The following LYAR variants were observed in gnomAD, a reference collection of about 807,000 sequenced individuals.
LYAR encodes the protein Ly1 antibody reactive.
A neutral mutation model predicts 45.2 loss-of-function variants in LYAR; 37 were observed. That is an observed-to-expected ratio of 0.82 (90% confidence interval 0.63 to 1.08). The LOEUF is 1.08. Ranked by LOEUF, LYAR falls within the 50% of genes least tolerant of loss-of-function variation. The pLI is 0.00. For missense variants in LYAR, 493 were observed against 451.0 expected, an observed-to-expected ratio of 1.09 and a Z score of -0.84; for synonymous variants, 176 against 155.1, an observed-to-expected ratio of 1.14 and a Z score of -1.00.
rs147667041 is a variant in LYAR, at chr4:4,269,517, C to T, written c.920-902G>A. ...CCACACAGGCCGGTCATGAGGCTGC[C>T]CCTGCTGTGATGTCAGTGGAACCTG... is the stretch of plus-strand genomic sequence containing the variant. On this transcript the variant is annotated intron_variant, in intron 8 of 9. Transcript: ENST00000343470. Among the ~76,000 whole-genome samples the T allele has an allele frequency of 4.2e-4, 64 of 152,254 alleles. No homozygotes were observed. In the East Asian group the frequency reaches 5.4e-3, roughly 13 times the overall value.
intron 8 of LYAR, among the ~76,000 whole-genome samples, chr4:4,272,915 G>A (rs1577211235): frequency 6.6e-6 from 1 of 152,140 alleles, no homozygotes; most frequent in Admixed American, 6.5e-5. Context: ...GCCACCTCCC[G>A]ACAGGTATGA....
At chr4:4,283,026 T>C (rs1719463467) in intron 3 of LYAR, among the ~76,000 whole-genome samples, 1 of 152,238 alleles carries the variant, frequency 6.6e-6, no homozygotes, top group Non-Finnish European at 1.5e-5. Context: ...TCCCTGGGTC[T>C]GTAAACAGTG....
At chr4:4,276,027 G>A (rs937146282) in intron 6 of LYAR, among the ~76,000 whole-genome samples, 5 of 152,228 alleles carry the variant, frequency 3.3e-5, no homozygotes, top group Non-Finnish European at 7.4e-5. Context: ...AGCACATAGA[G>A]CCTACTTTAA....
chr4:4,273,907 C>A (rs1433408469), intron 7 of LYAR, among the ~76,000 whole-genome samples: 1 of 152,128 alleles, frequency 6.6e-6, no homozygotes, highest in Non-Finnish European at 1.5e-5. Flanking sequence ...CTCTGCCTGG[C>A]CACAAAGCTT....
At chr4:4,270,932 T>C (rs773515179) in intron 8 of LYAR, among the ~76,000 whole-genome samples, 3 of 152,214 alleles carry the variant, frequency 2.0e-5, no homozygotes, top group African/African-American at 4.8e-5. Flanking sequence ...GTGAGATATT[T>C]TGATACAGAC....
intron 1 of LYAR, chr4:4,289,523 C>A (rs956999013): frequency 1.9e-4 from 29 of 152,338 alleles, no homozygotes; most frequent in African/African-American, 6.7e-4. Context: ...TCATGTAATC[C>A]TCATCACAGT....
intron 2 of LYAR, among the ~76,000 whole-genome samples, chr4:4,285,154 C>A (rs1719555942): frequency 1.3e-5 from 2 of 151,542 alleles, no homozygotes; most frequent in Admixed American, 6.8e-5. Flanking sequence ...AGCTTCTACG[C>A]TACATACAAA....
intron 8 of LYAR, among the ~76,000 whole-genome samples, chr4:4,272,452 T>G (rs991098555): frequency 6.6e-6 from 1 of 152,212 alleles, no homozygotes. Context: ...TAAATATTCA[T>G]TCATGCCTAT....
Position 4,279,498 on chromosome 4 carries a change from A to G in LYAR, c.378T>C (p.Asn126=), listed in dbSNP as rs764938701. ...NWMKNSLKVH[N]ESILDQVWNI... Reference sequence around the variant, plus strand: ...TCCACACCTGGTCCAGAATGGATTCATTATGAACTTTTAAACTGTTCTTCA... The same window carrying G: ...TCCACACCTGGTCCAGAATGGATTCGTTATGAACTTTTAAACTGTTCTTCA... Residue 126 remains asparagine, a synonymous_variant, in exon 6 of 10, where the codon AAT becomes AAC. Transcript: ENST00000343470. 3 of 1,613,018 alleles carry G rather than the reference A, an allele frequency of 1.9e-6. No homozygotes were observed. Among genetic ancestry groups the G allele is most frequent in the Non-Finnish European group, 8.5e-7 (1 of 1,178,984 alleles).
chr4:4,277,778 T>C (rs1023766669), intron 6 of LYAR, among the ~76,000 whole-genome samples: 6 of 152,086 alleles, frequency 3.9e-5, no homozygotes, highest in Non-Finnish European at 5.9e-5. Context: ...AGTGATCAGG[T>C]GAACTGTGAT....
intron 6 of LYAR, among the ~76,000 whole-genome samples, chr4:4,276,693 C>A (rs548708272): frequency 6.6e-6 from 1 of 152,120 alleles, no homozygotes; most frequent in Non-Finnish European, 1.5e-5. Flanking sequence ...CCTGTCTCTA[C>A]TAAAAATACA....
rs532235826 is a variant in LYAR, at chr4:4,283,656, T to C, written c.87A>G (p.Glu29=). 1.9e-6 allele frequency: 3 copies of C among 1,613,104 alleles called. No homozygotes were observed. The stretch of plus-strand genomic sequence containing the variant: ...TACCGCAGTCAATGCAAGAAAGGCA[T>C]TCACAGTTTCTGCAAACAGACACAT... ...EKHVSVCRNC[E]CLSCIDCGKD... is the part of the protein sequence containing the mutation. The change falls in exon 3 of 10, where the codon GAA becomes GAG. Residue 29 remains glutamate (E), a synonymous_variant. Coordinates refer to ENST00000343470, the MANE Select transcript of LYAR (RefSeq NM_017816.3).
chr4:4,277,192 G>A (rs948467645), intron 6 of LYAR, among the ~76,000 whole-genome samples: 2 of 151,942 alleles, frequency 1.3e-5, no homozygotes, highest in African/African-American at 2.4e-5. Context: ...GATTCTAGGC[G>A]CCTGCCACCA....
In LYAR at chr4:4,271,918, T is replaced by A. The variant is rs182950528; in HGVS notation, c.919+1665A>T. On this transcript the variant is annotated intron_variant, in intron 8 of 9. Coordinates refer to ENST00000343470, the MANE Select transcript of LYAR (RefSeq NM_017816.3). ...GGATACTCCTCACCAATAAGATGAA[T>A]ATTGGTCAGTTCAGCAACCTGGGTG... is the stretch of plus-strand genomic sequence containing the variant. 3.3e-5 allele frequency among the ~76,000 whole-genome samples: 5 copies of A among 152,260 alleles called. No individual in the cohort carries two copies. The East Asian group carries it at 9.6e-4, about 29-fold the overall frequency.
intron 7 of LYAR, 120 bp downstream of exon 7, chr4:4,274,247 A>AC (rs1302309932): frequency 1.0e-5 from 12 of 1,165,056 alleles, no homozygotes; most frequent in East Asian, 9.8e-5. Context: ...AAAAAAAACA[A>AC]AAAAAAAAAA....
At chr4:4,277,401 A>G (rs536939449) in intron 6 of LYAR, among the ~76,000 whole-genome samples, 1 of 152,116 alleles carries the variant, frequency 6.6e-6, no homozygotes, top group Non-Finnish European at 1.5e-5. Context: ...CTTCTACACA[A>G]TCCAGACCAG....
Position 4,283,728 on chromosome 4 carries a change from T to C in LYAR, c.15A>G (p.Thr5=), listed in dbSNP as rs985700200. 9 of 1,611,292 alleles carry C rather than the reference T, an allele frequency of 5.6e-6. No individual in the cohort carries two copies. The African/African-American group carries it at 1.1e-4, about 19-fold the overall frequency. MVFF[T]CNACGESVKK... ...TCACTGATTCACCACATGCATTGCA[T>C]GTAAAAAATACCATTTTTAGGTAAA... The change falls in exon 3 of 10, where the codon ACA becomes ACG. Residue 5 remains threonine (T), a synonymous_variant. Coordinates refer to ENST00000343470, the MANE Select transcript of LYAR (RefSeq NM_017816.3).
chr4:4,268,789 T>A (rs1718811786), intron 8 of LYAR, 174 bp from the exon 9 acceptor site: 1 of 545,902 alleles, frequency 1.8e-6, no homozygotes, highest in Non-Finnish European at 3.2e-6. Context: ...AAGCACTCAC[T>A]ACCCTTCAAA....
intron 1 of LYAR, among the ~76,000 whole-genome samples, chr4:4,288,225 G>C (rs1452804851): frequency 6.6e-6 from 1 of 152,062 alleles, no homozygotes; most frequent in African/African-American, 2.4e-5. Flanking sequence ...TTGTAGAAAG[G>C]TTTCTCTGTG....
Sources: allele counts gnomAD v4.1 joint callset (sites outside exome capture counted in the v4.1 genomes callset), GRCh38; gene constraint gnomAD v4.1.1; transcripts MANE v1.5; gene names NCBI Gene and HGNC (gene_info 2026-07-23, HGNC 2026-07-21).